Variants in CAAP1 observed in about 807,000 individuals in gnomAD.
CAAP1 encodes the protein caspase activity and apoptosis inhibitor 1, also known as conserved anti-apoptotic protein.
A neutral mutation model predicts 34.0 loss-of-function variants in CAAP1; 20 were observed. The observed-to-expected ratio is 0.59, with a 90% CI of 0.41 to 0.86. The LOEUF is 0.86. Among genes scored for constraint, CAAP1 ranks in the 40% least tolerant of loss-of-function variants. CAAP1 has a pLI of 0.00. For synonymous variants in CAAP1, 213 were observed against 166.7 expected (o/e 1.28, Z -2.14); for missense variants, 538 against 450.5 (o/e 1.19, Z -1.76).
intron 4 of CAAP1, 91 bp from the exon 5 acceptor site, chr9:26,861,230 G>A (rs1822996919): frequency 5.8e-6 from 5 of 856,012 alleles, no homozygotes; most frequent in Admixed American, 4.0e-5. Flanking sequence ...TAGGCACTAG[G>A]GAAGACAGGC....
intron 1 of CAAP1, chr9:26,892,191 A>C: frequency 7.7e-7 from 1 of 1,295,682 alleles, no homozygotes; most frequent in Admixed American, 3.0e-5. Flanking sequence ...AATTAAAAAA[A>C]AAGTGATCAG....
chr9:26,883,569 A>G (rs1823654134), intron 4 of CAAP1, among the ~76,000 whole-genome samples: 1 of 152,222 alleles, frequency 6.6e-6, no homozygotes, highest in African/African-American at 2.4e-5. Flanking sequence ...GAAGAAGCAA[A>G]GCACTTAAGC....
At chr9:26,872,079 T>A (rs1198626736) in intron 4 of CAAP1, among the ~76,000 whole-genome samples, 2 of 152,206 alleles carry the variant, frequency 1.3e-5, no homozygotes, top group Non-Finnish European at 2.9e-5. Flanking sequence ...ATATCACTGC[T>A]AGGGTTCAGC....
chr9:26,863,338 G>GA (rs906135722), intron 4 of CAAP1, among the ~76,000 whole-genome samples: 7 of 151,728 alleles, frequency 4.6e-5, no homozygotes, highest in African/African-American at 1.5e-4. Flanking sequence ...AGTAAATGGG[G>GA]AAAAAAAATC....
At position 26,888,747 on chromosome 9, in the gene CAAP1, T is replaced by C. The variant is rs552267776; in HGVS notation, c.304-1234A>G. Among the ~76,000 whole-genome samples the C allele has an allele frequency of 6.6e-5, 10 of 152,344 alleles. No individual in the cohort carries two copies. In the East Asian group the frequency reaches 1.9e-3, roughly 29 times the overall value. On this transcript the variant is annotated intron_variant, in intron 1 of 5. Coordinates refer to ENST00000333916, the MANE Select transcript of CAAP1 (RefSeq NM_024828.4). ...ATGACCCAGCAATTCCATTGCTAGA[T>C]ATATACCCAAGAGAAATGTAACGAT...
intron 4 of CAAP1, among the ~76,000 whole-genome samples, chr9:26,864,575 T>C (rs931644195): frequency 1.3e-5 from 2 of 152,222 alleles, no homozygotes; most frequent in Non-Finnish European, 2.9e-5. Flanking sequence ...TGTGATTCTC[T>C]AAGGCTTCAT....
intron 4 of CAAP1, among the ~76,000 whole-genome samples, chr9:26,884,532 A>C (rs1183836497): frequency 2.0e-5 from 3 of 152,294 alleles, no homozygotes; most frequent in African/African-American, 4.8e-5. Flanking sequence ...AGTGTATTCA[A>C]AATCCAAATG....
chr9:26,874,679 C>T (rs1342854552), intron 4 of CAAP1, among the ~76,000 whole-genome samples: 2 of 152,042 alleles, frequency 1.3e-5, no homozygotes, highest in Admixed American at 6.6e-5. Context: ...ATTTTTGTCA[C>T]TCTCATTAAT....
In CAAP1 at chr9:26,842,110, AAC is replaced by A; in HGVS notation, c.*189_*190del. On this transcript the variant is annotated 3_prime_UTR_variant, in exon 6 of 6. Transcript: ENST00000333916. The stretch of plus-strand genomic sequence containing the variant: ...TATTGCCATGAATTCATAAGACAGT[AAC>A]ACACATTTATAATATAAAAGTAGTC... The A allele has an allele frequency of 5.8e-6, 3 of 513,412 alleles. No homozygotes were observed. Among genetic ancestry groups the A allele is most frequent in the South Asian group, 3.4e-5 (1 of 29,846 alleles). The allele number at this position is 513,412 out of a possible 1,614,324, so 31.8% of individuals were successfully genotyped here.
chr9:26,882,711 C>T (rs547924256), intron 4 of CAAP1, among the ~76,000 whole-genome samples: 3 of 152,210 alleles, frequency 2.0e-5, no homozygotes, highest in Non-Finnish European at 2.9e-5. Flanking sequence ...CAACTTGCAC[C>T]GTGCACCTGG....
At chr9:26,854,482 G>GCTGAATGTAT (rs113814903) in intron 5 of CAAP1, among the ~76,000 whole-genome samples, 6,451 of 152,176 alleles carry the variant, frequency 0.042, 461 homozygotes, top group African/African-American at 0.15. Context: ...GCTGGGTTCA[G>GCTGAATGTAT]CTGAATGTAT....
chr9:26,859,587 T>C (rs574787748), intron 5 of CAAP1, among the ~76,000 whole-genome samples: 1 of 152,212 alleles, frequency 6.6e-6, no homozygotes, highest in Admixed American at 6.5e-5. Context: ...CAGTGTAGTC[T>C]AATTATACAT....
chr9:26,842,552 C>A lies in CAAP1; in HGVS notation c.835G>T (p.Ala279Ser). Residue 279 changes from alanine to serine, a missense_variant, in exon 6 of 6, where the codon GCA becomes TCA. Transcript: ENST00000333916. Reference protein sequence around the residue: ...PCNEEAAAPEAPENTVQSEAG... With the variant: ...PCNEEAAAPESPENTVQSEAG... Reference sequence around the variant, plus strand: ...TCACTTTGGACTGTATTTTCTGGTGCCTCGGGAGCAGCTGCTTCTTCGTTG... The same window carrying A: ...TCACTTTGGACTGTATTTTCTGGTGACTCGGGAGCAGCTGCTTCTTCGTTG... 6.2e-7 allele frequency: 1 copy of A among 1,614,166 alleles called. No individual in the cohort carries two copies. Among genetic ancestry groups the A allele is most frequent in the Non-Finnish European group, 8.5e-7 (1 of 1,180,036 alleles).
chr9:26,855,048 C>T (rs1822835072), intron 5 of CAAP1, among the ~76,000 whole-genome samples: 1 of 152,206 alleles, frequency 6.6e-6, no homozygotes, highest in South Asian at 2.1e-4. Flanking sequence ...CAAAAACCTG[C>T]ACACTATTTT....
intron 4 of CAAP1, among the ~76,000 whole-genome samples, chr9:26,874,501 C>T (rs1303687624): frequency 6.6e-6 from 1 of 152,150 alleles, no homozygotes; most frequent in Non-Finnish European, 1.5e-5. Context: ...TTTGTATCTA[C>T]TGAACTAACT....
chr9:26,882,202 G>C (rs755157467), intron 4 of CAAP1, among the ~76,000 whole-genome samples: 11 of 152,206 alleles, frequency 7.2e-5, no homozygotes, highest in Admixed American at 1.3e-4. Context: ...AATCAAGCAG[G>C]CTGCAAAAAT....
intron 5 of CAAP1, 44 bp from the exon 6 acceptor site, chr9:26,842,691 T>C: frequency 4.1e-6 from 6 of 1,456,828 alleles, no homozygotes; most frequent in South Asian, 4.0e-5. Context: ...CTAAATACCA[T>C]GGGTCACAAT....
intron 5 of CAAP1, among the ~76,000 whole-genome samples, chr9:26,849,952 C>T (rs1822705964): frequency 6.6e-6 from 1 of 151,924 alleles, no homozygotes; most frequent in African/African-American, 2.4e-5. Flanking sequence ...CATTCTCCTG[C>T]CTCAGCCTCG....
At chr9:26,872,551 A>AT (rs1288753034) in intron 4 of CAAP1, among the ~76,000 whole-genome samples, 79 of 141,332 alleles carry the variant, frequency 5.6e-4, no homozygotes, top group African/African-American at 2.2e-3. Context: ...AGATATACAT[A>AT]TAATATATAT....
Sources: allele counts gnomAD v4.1 joint callset (sites outside exome capture counted in the v4.1 genomes callset), GRCh38; gene constraint gnomAD v4.1.1; transcripts MANE v1.5; gene names NCBI Gene and HGNC (gene_info 2026-07-23, HGNC 2026-07-21).